SEL1L: variants seen among roughly 807,000 people sequenced by gnomAD.
The protein encoded by SEL1L is protein sel-1 homolog 1.
A neutral mutation model predicts 109.8 loss-of-function variants in SEL1L; 52 were observed. That is an observed-to-expected ratio of 0.47 (90% CI 0.38 to 0.60). The LOEUF (loss-of-function observed/expected upper bound fraction) is 0.60. SEL1L is among the 20% of genes least tolerant of loss of function. SEL1L has a pLI of 0.00. For synonymous variants in SEL1L, 373 were observed against 339.6 expected (o/e 1.10, Z -1.08); for missense variants, 749 against 962.2 (o/e 0.78, Z 2.93).
chr14:81,514,392 T>C (rs186771318), intron 3 of SEL1L, among the ~76,000 whole-genome samples: 138 of 152,328 alleles, frequency 9.1e-4, no homozygotes, highest in African/African-American at 3.2e-3. Context: ...CATAACATCT[T>C]TATAGGACAT....
Position 81,471,950 on chromosome 14 carries a change from CTTT to C in SEL1L, c.*5019_*5021del, listed in dbSNP as rs1374593505. ...AAATACCCAAAAAGTAAAAACTTTC[CTTT>C]TTATTTTTCGTAGTTTCTACTACAG... On this transcript the variant is annotated 3_prime_UTR_variant, in exon 21 of 21. Coordinates refer to ENST00000336735, the MANE Select transcript of SEL1L (RefSeq NM_005065.6). 1 of 152,118 alleles carries C rather than the reference CTTT, an allele frequency of 6.6e-6. No homozygotes were observed. The highest frequency in any genetic ancestry group is 1.5e-5 in the Non-Finnish European group (1 of 68,032). 9.4% of individuals were successfully genotyped at this position (152,118 alleles called of 1,614,324 possible).
At chr14:81,503,168 T>C (rs551444882) in intron 5 of SEL1L, among the ~76,000 whole-genome samples, 1 of 151,998 alleles carries the variant, frequency 6.6e-6, no homozygotes, top group Admixed American at 6.5e-5. Context: ...AATTTTGTAT[T>C]TTTAGTAGAG....
At position 81,498,025 on chromosome 14, in the gene SEL1L, G is replaced by C; in HGVS notation, c.995C>G (p.Thr332Arg). The stretch of plus-strand genomic sequence containing the variant: ...TATTCTCTGTACTACTGAGCCTCCT[G>C]TTAGCGAGATATCACTAGCAACTGA... ...ANHVASDISLTGGSVVQRIRL... is the reference protein window; with the variant it reads ...ANHVASDISLRGGSVVQRIRL... Residue 332 changes from threonine (T) to arginine (R), a missense_variant, in exon 10 of 21, where the codon ACA becomes AGA. This residue lies in a region of SEL1L where 366 missense variants were observed against 399.8 expected (regional missense o/e 0.92). Coordinates refer to ENST00000336735, the MANE Select transcript of SEL1L (RefSeq NM_005065.6). 6.2e-7 allele frequency: 1 copy of C among 1,612,594 alleles called. No homozygotes were observed. Among genetic ancestry groups the C allele is most frequent in the Non-Finnish European group, 8.5e-7 (1 of 1,179,510 alleles).
chr14:81,486,295 C>G lies in SEL1L; in HGVS notation c.1792G>C (p.Asp598His), dbSNP rs778016511. 13 of 1,613,952 alleles carry G rather than the reference C, an allele frequency of 8.1e-6. No homozygotes were observed. The highest frequency in any genetic ancestry group is 6.7e-5 in the Admixed American group (4 of 59,982). Residue 598 changes from aspartate to histidine, a missense_variant, in exon 17 of 21, where the codon GAT (aspartate) becomes CAT (histidine). By Grantham distance (81) the Asp-to-His change is moderately conservative. This residue lies in a region of SEL1L where 383 missense variants were observed against 562.5 expected (regional missense o/e 0.68). Transcript: ENST00000336735. ...VAQSNAAFIL[D>H]QREASIVGEN... ...GGACTAAAATGAACCTTACTCTGATCAAGAATAAAGGCTGCATTGCTTTGT... is the reference window on the plus strand; with the variant it reads ...GGACTAAAATGAACCTTACTCTGATGAAGAATAAAGGCTGCATTGCTTTGT...
intron 1 of SEL1L, among the ~76,000 whole-genome samples, chr14:81,531,310 A>G (rs1252453114): frequency 6.6e-6 from 1 of 152,242 alleles, no homozygotes; most frequent in Admixed American, 6.5e-5. Context: ...CTAAAACATG[A>G]TACTAGCTAA....
Position 81,489,408 on chromosome 14 carries a change from A to G in SEL1L, c.1333-94T>C. Reference sequence around the variant, plus strand: ...TGCAAAATAAATCATTTATAAGCATATTCAAAAACATGTCTTAGTACTTTT... The same window carrying G: ...TGCAAAATAAATCATTTATAAGCATGTTCAAAAACATGTCTTAGTACTTTT... On this transcript the variant is annotated intron_variant, in intron 13 of 20. Coordinates refer to ENST00000336735, the MANE Select transcript of SEL1L (RefSeq NM_005065.6). 4.1e-6 allele frequency: 4 copies of G among 979,354 alleles called. No individual in the cohort carries two copies. In the South Asian group the frequency reaches 4.1e-5, roughly 10 times the overall value. The allele number at this position is 979,354 out of a possible 1,614,324, so 60.7% of individuals were successfully genotyped here. A position where few individuals can be genotyped will look rare whatever the true frequency, so the allele number is the denominator to read the frequency against.
chr14:81,506,966 G>A (rs1323041982), intron 3 of SEL1L, among the ~76,000 whole-genome samples: 1 of 152,198 alleles, frequency 6.6e-6, no homozygotes, highest in Non-Finnish European at 1.5e-5. Flanking sequence ...GGAAAGGAAA[G>A]CCTCCCCTCT....
intron 6 of SEL1L, among the ~76,000 whole-genome samples, chr14:81,501,804 G>C (rs558193664): frequency 6.6e-6 from 1 of 152,104 alleles, no homozygotes; most frequent in Non-Finnish European, 1.5e-5. Context: ...GTAGAATACA[G>C]AACATCCCTT....
At chr14:81,510,907 G>A (rs1289722467) in intron 3 of SEL1L, among the ~76,000 whole-genome samples, 1 of 152,090 alleles carries the variant, frequency 6.6e-6, no homozygotes, top group Non-Finnish European at 1.5e-5. Context: ...CCAAGCAAAC[G>A]ATTGTCACCA....
Position 81,476,832 on chromosome 14 carries a change from C to T in SEL1L, c.*140G>A, listed in dbSNP as rs1903174209. 4.1e-6 allele frequency: 3 copies of T among 739,612 alleles called. No homozygotes were observed. The highest frequency in any genetic ancestry group is 3.5e-5 in the African/African-American group (2 of 56,734). 45.8% of individuals were successfully genotyped at this position (739,612 alleles called of 1,614,324 possible). ...GAAAATAAAGGCATCAGATTCTAAG[C>T]AGCTTTAGGAATTCAATGCTTCCTT... On this transcript the variant is annotated 3_prime_UTR_variant, in exon 21 of 21. Coordinates refer to ENST00000336735, the MANE Select transcript of SEL1L (RefSeq NM_005065.6).
At chr14:81,518,897 G>A (rs1435311455) in intron 3 of SEL1L, among the ~76,000 whole-genome samples, 1 of 152,156 alleles carries the variant, frequency 6.6e-6, no homozygotes, top group Non-Finnish European at 1.5e-5. Flanking sequence ...GGAGTAGACT[G>A]TGCAGAGAAG....
At chr14:81,532,610 T>A (rs1236092991) in intron 1 of SEL1L, among the ~76,000 whole-genome samples, 2 of 152,164 alleles carry the variant, frequency 1.3e-5, no homozygotes, top group African/African-American at 4.8e-5. Context: ...ATGGATAGAA[T>A]TTAGGTTTAA....
chr14:81,526,435 A>T (rs76653020), intron 3 of SEL1L, among the ~76,000 whole-genome samples: 10,767 of 152,198 alleles, frequency 0.071, 1,323 homozygotes, highest in African/African-American at 0.25. Flanking sequence ...TTATTTTTTT[A>T]AATTTCTCAG....
chr14:81,474,017 C>T lies in SEL1L; in HGVS notation c.*2955G>A, dbSNP rs919121460. ...TCCCAACAGTACAGAGACAGAATGG[C>T]TTAGTGGTAAGACTCTCACATGTAA... is the stretch of plus-strand genomic sequence containing the variant. On this transcript the variant is annotated 3_prime_UTR_variant, in exon 21 of 21. Coordinates refer to ENST00000336735, the MANE Select transcript of SEL1L (RefSeq NM_005065.6). The T allele has an allele frequency of 2.0e-5, 3 of 151,900 alleles. No individual in the cohort carries two copies. The highest frequency in any genetic ancestry group is 4.4e-5 in the Non-Finnish European group (3 of 67,960). 9.4% of individuals were successfully genotyped at this position (151,900 alleles called of 1,614,324 possible). A position where few individuals can be genotyped will look rare whatever the true frequency, so the allele number is the denominator to read the frequency against.
chr14:81,528,561 C>CA (rs747260801), intron 1 of SEL1L, among the ~76,000 whole-genome samples: 53 of 152,148 alleles, frequency 3.5e-4, no homozygotes, highest in African/African-American at 1.2e-3. Context: ...TGCAACAACT[C>CA]AATGTTCAGA....
At chr14:81,523,738 G>A (rs1566626878) in intron 3 of SEL1L, among the ~76,000 whole-genome samples, 1 of 152,190 alleles carries the variant, frequency 6.6e-6, no homozygotes, top group East Asian at 1.9e-4. Context: ...TCCAGGTAGT[G>A]TCAGAATTGA....
rs1001706783 is a variant in SEL1L, at chr14:81,472,804, G to A, written c.*4168C>T. 1.9e-5 allele frequency: 4 copies of A among 207,132 alleles called. No homozygotes were observed. Among genetic ancestry groups the A allele is most frequent in the African/African-American group, 9.5e-5 (4 of 42,102 alleles). The allele number at this position is 207,132 out of a possible 1,614,324, so 12.8% of individuals were successfully genotyped here. ...GAAAGATAAATTCAAATTGCCACAA[G>A]TGAATGTTTTCAGAAGCTTCTGAAT... On this transcript the variant is annotated 3_prime_UTR_variant, in exon 21 of 21. Coordinates refer to ENST00000336735, the MANE Select transcript of SEL1L (RefSeq NM_005065.6).
chr14:81,531,466 T>C (rs1374336729), intron 1 of SEL1L, among the ~76,000 whole-genome samples: 2 of 152,224 alleles, frequency 1.3e-5, no homozygotes, highest in East Asian at 1.9e-4. Context: ...AGTAAAACTT[T>C]AAACTTTGAG....
In SEL1L at chr14:81,498,505, A is replaced by T. The variant is rs764488192; in HGVS notation, c.892-11T>A. The T allele has an allele frequency of 1.2e-6, 2 of 1,608,404 alleles. No homozygotes were observed. The highest frequency in any genetic ancestry group is 2.2e-5 in the South Asian group (2 of 90,640). ...CCAGTATCTGTAACCCTGTAAAACA[A>T]CTTCACGTGAGGAGGCAGCAGTTTC... On this transcript the variant is annotated splice_polypyrimidine_tract_variant and intron_variant, in intron 8 of 20. Transcript: ENST00000336735.
Sources: gnomAD v4.1 joint callset for allele counts (sites outside exome capture counted in the v4.1 genomes callset) on GRCh38, gnomAD v4.1.1 for gene constraint, gnomAD v4.1.1 regional missense constraint, MANE v1.5 for transcripts, NCBI Gene and HGNC (gene_info 2026-07-23, HGNC 2026-07-21) for gene names.